FRMD4A: variants seen among roughly 807,000 people sequenced by gnomAD.
The protein encoded by FRMD4A is FERM domain-containing protein 4A.
In FRMD4A, 29 loss-of-function variants were observed where a neutral mutation model predicts 129.1. The observed-to-expected ratio is 0.22, with a 90% CI of 0.17 to 0.31. The LOEUF (loss-of-function observed/expected upper bound fraction) is 0.31. Ranked by LOEUF, FRMD4A falls within the 10% of genes least tolerant of loss-of-function variation. The pLI is 1.00. For missense variants in FRMD4A, 1,272 were observed against 1,375.8 expected (o/e 0.92, Z 1.19); for synonymous variants, 634 against 571.6 (o/e 1.11, Z -1.56).
intron 2 of FRMD4A, among the ~76,000 whole-genome samples, chr10:14,300,560 G>C (rs1846151397): frequency 6.6e-6 from 1 of 152,126 alleles, no homozygotes; most frequent in African/African-American, 2.4e-5. Context: ...CCAAAAACTG[G>C]GTCTGTAGTG....
At chr10:13,885,006 C>A (rs2094602040) in intron 2 of FRMD4A, among the ~76,000 whole-genome samples, 1 of 152,218 alleles carries the variant, frequency 6.6e-6, no homozygotes, top group Non-Finnish European at 1.5e-5. Flanking sequence ...CATATCCCCC[C>A]AAAGTTAGCA....
At chr10:14,261,592 C>T (rs1170221297) in intron 2 of FRMD4A, among the ~76,000 whole-genome samples, 1 of 152,168 alleles carries the variant, frequency 6.6e-6, no homozygotes, top group African/African-American at 2.4e-5. Context: ...TATGCCATTG[C>T]AATGCCAACC....
chr10:13,703,640 C>G (rs955062767), intron 13 of FRMD4A, among the ~76,000 whole-genome samples: 16 of 152,250 alleles, frequency 1.1e-4, no homozygotes, highest in Non-Finnish European at 7.3e-5. Flanking sequence ...TCACATTCCT[C>G]TTCCCTACCT....
chr10:14,227,224 T>A (rs1182971092), intron 2 of FRMD4A, among the ~76,000 whole-genome samples: 3 of 136,740 alleles, frequency 2.2e-5, no homozygotes, highest in African/African-American at 8.0e-5. Context: ...CCCTTCCTCC[T>A]CCTCCTTCTC....
At chr10:14,042,306 T>C (rs188407295) in intron 2 of FRMD4A, among the ~76,000 whole-genome samples, 5 of 152,328 alleles carry the variant, frequency 3.3e-5, no homozygotes, top group Admixed American at 1.3e-4. Flanking sequence ...CTCCTTCCTT[T>C]GTTCTCCTCT....
intron 2 of FRMD4A, among the ~76,000 whole-genome samples, chr10:13,917,619 C>T (rs546502141): frequency 2.6e-5 from 4 of 152,102 alleles, no homozygotes; most frequent in African/African-American, 7.2e-5. Flanking sequence ...TATACACACA[C>T]TGTACTTTCA....
At chr10:13,662,043 G>A (rs1298972428) in intron 19 of FRMD4A, among the ~76,000 whole-genome samples, 1 of 152,206 alleles carries the variant, frequency 6.6e-6, no homozygotes, top group East Asian at 1.9e-4. Flanking sequence ...ACACGGGGAA[G>A]AAGCTGGAAT....
At chr10:14,138,444 T>C (rs1476337287) in intron 2 of FRMD4A, among the ~76,000 whole-genome samples, 3 of 152,122 alleles carry the variant, frequency 2.0e-5, no homozygotes, top group South Asian at 4.1e-4. Flanking sequence ...CCTAACGCGT[T>C]GGGATAATAG....
intron 12 of FRMD4A, among the ~76,000 whole-genome samples, chr10:13,718,318 C>A (rs1426705872): frequency 6.6e-6 from 1 of 152,226 alleles, no homozygotes; most frequent in African/African-American, 2.4e-5. Flanking sequence ...GGAACGCTTG[C>A]GGTCTCGCCA....
chr10:13,992,603 A>T lies in FRMD4A; in HGVS notation c.46-133691T>A, dbSNP rs184808296. Among the ~76,000 whole-genome samples, 52 of 152,364 alleles carry T rather than the reference A, an allele frequency of 3.4e-4. 1 individual carries two copies. Among genetic ancestry groups the T allele is most frequent in the Admixed American group, 3.4e-3 (52 of 15,306 alleles). ...CTTAACTTTGTAAAATAATTTCAGC[A>T]GGGAGTTGAGAAAATACAGCATAAC... On this transcript the variant is annotated intron_variant, in intron 2 of 24. Coordinates refer to ENST00000357447, the MANE Select transcript of FRMD4A (RefSeq NM_018027.5).
chr10:14,006,979 A>C (rs2095664401), intron 2 of FRMD4A, among the ~76,000 whole-genome samples: 1 of 152,220 alleles, frequency 6.6e-6, no homozygotes. Flanking sequence ...TAACTCATCA[A>C]AACTCAGGAA....
At chr10:14,162,641 GTTTT>G (rs71388160) in intron 2 of FRMD4A, among the ~76,000 whole-genome samples, 51 of 118,390 alleles carry the variant, frequency 4.3e-4, no homozygotes, top group African/African-American at 1.6e-3. Context: ...TTTTTTTTTT[GTTTT>G]TTTTTTTTTT....
intron 2 of FRMD4A, among the ~76,000 whole-genome samples, chr10:14,173,491 C>T (rs76598946): frequency 0.013 from 1,963 of 152,232 alleles, 36 homozygotes; most frequent in East Asian, 0.073. Context: ...TTTCCGAGAA[C>T]ACACTGGCCT....
intron 2 of FRMD4A, among the ~76,000 whole-genome samples, chr10:14,031,984 A>T (rs927877005): frequency 6.6e-6 from 1 of 151,770 alleles, no homozygotes; most frequent in Non-Finnish European, 1.5e-5. Flanking sequence ...CTAAGTTTTT[A>T]ATTTTTTGAG....
intron 2 of FRMD4A, among the ~76,000 whole-genome samples, chr10:14,128,100 C>CTTTCTTTCTTTCTTTCT (rs1554766376): frequency 8.8e-5 from 3 of 34,216 alleles, no homozygotes; most frequent in African/African-American, 2.9e-4. Context: ...TTCTTTCTTT[C>CTTTCTTTCTTTCTTTCT]TTTCTTTTCT....
At chr10:13,875,344 A>G (rs2094477816) in intron 2 of FRMD4A, among the ~76,000 whole-genome samples, 1 of 152,236 alleles carries the variant, frequency 6.6e-6, no homozygotes, top group Non-Finnish European at 1.5e-5. Context: ...AAGATCCACA[A>G]GCACTTGGAA....
chr10:14,171,024 T>TG (rs1841449547), intron 2 of FRMD4A, among the ~76,000 whole-genome samples: 3 of 13,824 alleles, frequency 2.2e-4, no homozygotes, highest in South Asian at 6.2e-3. Context: ...GTTTTTTTTT[T>TG]TGTTTATTTG....
intron 14 of FRMD4A, among the ~76,000 whole-genome samples, chr10:13,699,224 G>GTTTT (rs1168489802): frequency 0.011 from 804 of 76,142 alleles, 33 homozygotes; most frequent in Middle Eastern, 0.02. Context: ...CTTGGTTATT[G>GTTTT]TTTTTTTTTT....
At chr10:14,205,007 C>T (rs1312231379) in intron 2 of FRMD4A, among the ~76,000 whole-genome samples, 1 of 152,036 alleles carries the variant, frequency 6.6e-6, no homozygotes, top group Non-Finnish European at 1.5e-5. Context: ...CGTGTCTCTG[C>T]CTTAACCCTT....
Sources: allele counts gnomAD v4.1 joint callset (sites outside exome capture counted in the v4.1 genomes callset), GRCh38; gene constraint gnomAD v4.1.1; transcripts MANE v1.5; gene names NCBI Gene and HGNC (gene_info 2026-07-23, HGNC 2026-07-21).